ZNF799: variants seen among roughly 807,000 people sequenced by gnomAD.
ZNF799 encodes the protein zinc finger protein 799.
In ZNF799, 28 loss-of-function variants were observed where a neutral mutation model predicts 41.0. That is an observed-to-expected ratio of 0.68 (90% CI 0.51 to 0.94). ZNF799 has a LOEUF of 0.94. Among genes scored for constraint, ZNF799 ranks in the 40% least tolerant of loss-of-function variants. ZNF799 has a pLI of 0.00. For missense variants in ZNF799, 716 were observed against 764.3 expected (o/e 0.94, Z 0.74); for synonymous variants, 213 against 252.9 (o/e 0.84, Z 1.50).
At chr19:12,398,896 C>CA (rs1032667828) in intron 1 of ZNF799, among the ~76,000 whole-genome samples, 6 of 150,844 alleles carry the variant, frequency 4.0e-5, no homozygotes, top group South Asian at 2.1e-4. Context: ...AGCTCTGGGG[C>CA]AAAAAAAATA....
At chr19:12,405,680 T>C (rs1463184272), upstream of ZNF799, among the ~76,000 whole-genome samples, 1 of 152,098 alleles carries the variant, frequency 6.6e-6, no homozygotes, top group Non-Finnish European at 1.5e-5. Flanking sequence ...GGGACTACAG[T>C]CTCTGCAAAC....
Position 12,390,491 on chromosome 19 carries a change from A to C in ZNF799, c.1907T>G (p.Leu636Trp). ...CTAGTGAGTCTTTTTATGTCTATGC[A>C]AGGAACTGAGAGAAGCAAATGCTTT... ...CGKAFASLSSLHRHKKTH is the reference protein window; with the variant it reads ...CGKAFASLSSWHRHKKTH The change falls in exon 4 of 4, where the codon TTG (leucine) becomes TGG (tryptophan). Residue 636 changes from leucine to tryptophan, a missense_variant. Leu to Trp is a moderately conservative substitution (Grantham distance 61). Around this residue, in one of 2 missense-constraint regions of ZNF799, gnomAD observed 698 missense variants for 713.6 expected, o/e 0.98. Coordinates refer to ENST00000430385, the MANE Select transcript of ZNF799 (RefSeq NM_001080821.3). 6.2e-7 allele frequency: 1 copy of C among 1,613,952 alleles called. No individual in the cohort carries two copies. Among genetic ancestry groups the C allele is most frequent in the Non-Finnish European group, 8.5e-7 (1 of 1,179,878 alleles).
At position 12,390,586 on chromosome 19, in the gene ZNF799, A is replaced by G. The variant is rs1373255113; in HGVS notation, c.1812T>C (p.His604=). The change falls in exon 4 of 4, where the codon CAT becomes CAC. Residue 604 remains histidine, a synonymous_variant. Coordinates refer to ENST00000430385, the MANE Select transcript of ZNF799 (RefSeq NM_001080821.3). ...GKAFASLSSL[H]RHKKTHWKKT... is the part of the protein sequence containing the mutation. ...TTTTCCAGTGAGTCTTTTTATGTCT[A>G]TGCAAGGAACTGAGAGAAGCAAATG... is the stretch of plus-strand genomic sequence containing the variant. 10 of 1,613,714 alleles carry G rather than the reference A, an allele frequency of 6.2e-6. No homozygotes were observed. Among genetic ancestry groups the G allele is most frequent in the East Asian group, 2.2e-5 (1 of 44,882 alleles).
At chr19:12,394,028 T>TC (rs976642464) in intron 1 of ZNF799, 3 of 152,916 alleles carry the variant, frequency 2.0e-5, no homozygotes, top group African/African-American at 7.3e-5. Context: ...TGAATGGTTG[T>TC]CCCCTCCAAA....
rs753257185 is a variant in ZNF799 at position 12,391,892 on chromosome 19, T to C, written c.506A>G (p.Tyr169Cys). 5 of 1,614,098 alleles carry C rather than the reference T, an allele frequency of 3.1e-6. No individual in the cohort carries two copies. The African/African-American group carries it at 4.0e-5, about 13-fold the overall frequency. The change falls in exon 4 of 4, where the codon TAT becomes TGT. Residue 169 changes from tyrosine to cysteine, a missense_variant. This residue lies in a region of ZNF799 where 698 missense variants were observed against 713.6 expected (regional missense o/e 0.98). Transcript: ENST00000430385. ...GGACTTCCCACATTCTTTACAATTATATGGTTTCTTTCCAGTGTGAAGCCT... is the reference window on the plus strand; with the variant it reads ...GGACTTCCCACATTCTTTACAATTACATGGTTTCTTTCCAGTGTGAAGCCT... ...HERLHTGKKP[Y>C]NCKECGKSFS...
chr19:12,411,618 G>GT, the ZNF799 span, among the ~76,000 whole-genome samples: 50,223 of 151,032 alleles, frequency 0.33, 8,891 homozygotes, highest in South Asian at 0.51. Flanking sequence ...TTTCGTTTTT[G>GT]TTTTTTTTGA....
At chr19:12,404,041 CAT>C (rs1249618906), upstream of ZNF799, among the ~76,000 whole-genome samples, 1 of 152,116 alleles carries the variant, frequency 6.6e-6, no homozygotes, top group African/African-American at 2.4e-5. Context: ...ATTTAATTTC[CAT>C]ATGTTTGTAT....
At chr19:12,401,673 G>T (rs952941519), upstream of ZNF799, among the ~76,000 whole-genome samples, 1 of 137,960 alleles carries the variant, frequency 7.2e-6, no homozygotes, top group African/African-American at 2.7e-5. Flanking sequence ...TCCTAGGTGG[G>T]TTCAAACAAT....
upstream of ZNF799, among the ~76,000 whole-genome samples, chr19:12,404,708 C>G (rs531353162): frequency 4.6e-5 from 7 of 152,304 alleles, no homozygotes; most frequent in Middle Eastern, 3.4e-3. Context: ...AAACAAGGCT[C>G]TCTGTTCTAT....
At chr19:12,398,644 A>G (rs1250154250) in intron 1 of ZNF799, among the ~76,000 whole-genome samples, 1 of 152,244 alleles carries the variant, frequency 6.6e-6, no homozygotes, top group East Asian at 1.9e-4. Context: ...AAACCCATAT[A>G]ACAGGAACAG....
chr19:12,400,935 A>T (rs1969972098), intron 1 of ZNF799, 133 bp downstream of exon 1: 18 of 1,548,106 alleles, frequency 1.2e-5, no homozygotes, highest in Non-Finnish European at 1.5e-5. Flanking sequence ...CCGAGGGCCG[A>T]CCTACGCCAG....
intron 1 of ZNF799, among the ~76,000 whole-genome samples, chr19:12,396,467 T>C (rs1404228683): frequency 1.3e-5 from 2 of 152,194 alleles, no homozygotes; most frequent in African/African-American, 4.8e-5. Context: ...CTGGCCAATG[T>C]GGTGAAACCC....
the ZNF799 span, among the ~76,000 whole-genome samples, chr19:12,410,253 GCA>G: frequency 1.8e-5 from 1 of 56,976 alleles, no homozygotes; most frequent in Non-Finnish European, 3.4e-5. Flanking sequence ...ATGTCTGTGT[GCA>G]TATATATATA....
At chr19:12,406,332 A>T in the ZNF799 span, among the ~76,000 whole-genome samples, 254 of 151,094 alleles carry the variant, frequency 1.7e-3, 1 homozygote, top group African/African-American at 5.8e-3. Context: ...ACAAAAAAAA[A>T]AAATAGCCGG....
chr19:12,407,553 C>G, the ZNF799 span, among the ~76,000 whole-genome samples: 1 of 150,266 alleles, frequency 6.7e-6, no homozygotes, highest in East Asian at 1.9e-4. Context: ...TACATACAAA[C>G]ATACATATGC....
chr19:12,391,509 G>A lies in ZNF799; in HGVS notation c.889C>T (p.Arg297Ter), dbSNP rs200827356. Residue 297 changes from arginine to a stop codon, truncating the protein, a stop_gained, in exon 4 of 4, where the codon CGA (arginine) becomes TGA (stop). Transcript: ENST00000430385. LOFTEE classifies it high-confidence loss of function. ...TCAGTGTGAGTTGTTTCGTGTCTTC[G>A]AAGGGAAGTGGAAGCACTGAAGGCT... ...GKAFSASTSL[R>*]RHETTHTDEK... is the part of the protein sequence containing the mutation. The A allele has an allele frequency of 6.8e-5, 110 of 1,614,028 alleles. No homozygotes were observed. The East Asian group carries it at 1.3e-3, about 19-fold the overall frequency.
chr19:12,390,836 A>G lies in ZNF799; in HGVS notation c.1562T>C (p.Val521Ala), dbSNP rs1381183609. Residue 521 changes from valine (V) to alanine (A), a missense_variant, in exon 4 of 4, where the codon GTA (valine) becomes GCA (alanine). Physicochemically the swap from Val to Ala is moderately conservative, Grantham distance 64. This residue lies in a region of ZNF799 where 698 missense variants were observed against 713.6 expected (regional missense o/e 0.98). Coordinates refer to ENST00000430385, the MANE Select transcript of ZNF799 (RefSeq NM_001080821.3). Reference sequence around the variant, plus strand: ...CTCTCCAGAGTGAATTCTTTCATGTACTTTTAAGTTACCAAAATGACTGAA... The same window carrying G: ...CTCTCCAGAGTGAATTCTTTCATGTGCTTTTAAGTTACCAAAATGACTGAA... The part of the protein sequence containing the change: ...KAFSHFGNLK[V>A]HERIHSGEKP... 6.2e-7 allele frequency: 1 copy of G among 1,613,824 alleles called. No homozygotes were observed. The highest frequency in any genetic ancestry group is 8.5e-7 in the Non-Finnish European group (1 of 1,179,962).
At chr19:12,397,801 AGAC>A (rs1209378338) in intron 1 of ZNF799, among the ~76,000 whole-genome samples, 2 of 152,166 alleles carry the variant, frequency 1.3e-5, no homozygotes, top group Non-Finnish European at 2.9e-5. Context: ...CAATAAAAGA[AGAC>A]AAGGACTGAC....
At chr19:12,397,863 TTTTA>T (rs1165251427) in intron 1 of ZNF799, among the ~76,000 whole-genome samples, 2 of 152,176 alleles carry the variant, frequency 1.3e-5, no homozygotes, top group African/African-American at 4.8e-5. Context: ...AAAACTATTT[TTTTA>T]TTCTCTCAAG....
Sources: allele counts gnomAD v4.1 joint callset (sites outside exome capture counted in the v4.1 genomes callset), GRCh38; gene constraint gnomAD v4.1.1; regional missense constraint gnomAD v4.1.1; transcripts MANE v1.5; gene names NCBI Gene and HGNC (gene_info 2026-07-23, HGNC 2026-07-21).